The following STIMATE variants were observed in gnomAD, a reference collection of about 807,000 sequenced individuals.
The protein encoded by STIMATE is STIM activating enhancer, also known as store-operated calcium entry regulator STIMATE.
In STIMATE, 15 loss-of-function variants were observed where a neutral mutation model predicts 36.7. The observed-to-expected ratio is 0.41, with a 90% CI of 0.27 to 0.63. The LOEUF is 0.63. STIMATE is among the 20% of genes least tolerant of loss of function. STIMATE has a pLI of 0.32. For missense variants in STIMATE, 305 were observed against 397.3 expected (o/e 0.77, Z 1.98); for synonymous variants, 163 against 162.3 (o/e 1.00, Z -0.03).
intron 1 of STIMATE, among the ~76,000 whole-genome samples, chr3:52,882,079 AG>A (rs2106720585): frequency 6.6e-6 from 1 of 152,352 alleles, no homozygotes; most frequent in South Asian, 2.1e-4. Flanking sequence ...TCTGTCAGCC[AG>A]GGCTGCATCA....
chr3:52,840,500 G>C lies in STIMATE; in HGVS notation c.879C>G (p.Pro293=). ...CCCCCAGCATGGGAATGTGTCATAC[G>C]GGTAGCCCAAAGCGGTGCTTCTTTT... The part of the protein sequence containing the change: ...VKKKKHRFGL[P]V Residue 293 remains proline (P), a synonymous_variant, in exon 8 of 8, where the codon CCC becomes CCG. Transcript: ENST00000355083. 1.9e-6 allele frequency: 3 copies of C among 1,613,724 alleles called. No homozygotes were observed. The highest frequency in any genetic ancestry group is 2.5e-6 in the Non-Finnish European group (3 of 1,179,790).
chr3:52,864,023 C>A (rs146986877), intron 1 of STIMATE, among the ~76,000 whole-genome samples: 1 of 152,218 alleles, frequency 6.6e-6, no homozygotes, highest in Non-Finnish European at 1.5e-5. Context: ...AGGCTAACAG[C>A]GCAAGCTGTT....
At chr3:52,859,181 A>G (rs1336829414) in intron 1 of STIMATE, among the ~76,000 whole-genome samples, 1 of 149,018 alleles carries the variant, frequency 6.7e-6, no homozygotes, top group Non-Finnish European at 1.5e-5. Context: ...TAAAATAAAT[A>G]AAATAAAATA....
rs558254746 is a variant in STIMATE, at chr3:52,880,635, G to C, written c.160+16656C>G. ...AGCTCCTGGGGCTGCTGGTACCTTT[G>C]AAAGGGCTCATAGGAAAAGGGAGAT... On this transcript the variant is annotated intron_variant, in intron 1 of 7. Transcript: ENST00000355083. Among the ~76,000 whole-genome samples the C allele has an allele frequency of 1.3e-3, 205 of 152,196 alleles. 1 individual carries two copies. The highest frequency in any genetic ancestry group is 4.8e-3 in the African/African-American group (199 of 41,500).
chr3:52,845,363 T>C (rs1189248715), intron 4 of STIMATE, among the ~76,000 whole-genome samples: 1 of 152,178 alleles, frequency 6.6e-6, no homozygotes, highest in African/African-American at 2.4e-5. Context: ...AGTGGACTGA[T>C]GTTTGTGGAT....
chr3:52,881,987 A>G (rs969792213), intron 1 of STIMATE, among the ~76,000 whole-genome samples: 1 of 152,244 alleles, frequency 6.6e-6, no homozygotes, highest in Non-Finnish European at 1.5e-5. Context: ...AAATTACTAC[A>G]AAACTTAATG....
chr3:52,863,955 G>A (rs1701260493), intron 1 of STIMATE, among the ~76,000 whole-genome samples: 1 of 152,242 alleles, frequency 6.6e-6, no homozygotes, highest in Admixed American at 6.5e-5. Context: ...GCTTTGCAGG[G>A]TACAGCCTCC....
At chr3:52,896,797 T>G (rs1277630596) in intron 1 of STIMATE, among the ~76,000 whole-genome samples, 25 of 152,116 alleles carry the variant, frequency 1.6e-4, no homozygotes, top group Admixed American at 1.6e-3. Context: ...GGCATGGCCC[T>G]AACACTCCAG....
chr3:52,877,774 C>T (rs1363804784), intron 1 of STIMATE, among the ~76,000 whole-genome samples: 1 of 152,216 alleles, frequency 6.6e-6, no homozygotes, highest in Admixed American at 6.5e-5. Flanking sequence ...AGCACTGTAT[C>T]TCACTTAATT....
At chr3:52,858,741 G>A (rs957391186) in intron 1 of STIMATE, among the ~76,000 whole-genome samples, 2 of 152,234 alleles carry the variant, frequency 1.3e-5, no homozygotes, top group Non-Finnish European at 2.9e-5. Flanking sequence ...TATTGCAGGT[G>A]TGTCAGGATG....
rs1015481198 is a variant in STIMATE, at chr3:52,855,472, T to C, written c.161-28A>G. 1.2e-5 allele frequency: 19 copies of C among 1,613,910 alleles called. No homozygotes were observed. In the African/African-American group the frequency reaches 1.9e-4, roughly 16 times the overall value. ...GAAAGAAAAGACAGACATCAGTAGT[T>C]TTCCAAAGAAGTTACATAAAGCAAG... On this transcript the variant is annotated intron_variant, in intron 1 of 7. Coordinates refer to ENST00000355083, the MANE Select transcript of STIMATE (RefSeq NM_198563.5).
At chr3:52,842,667 C>G (rs1331118446) in intron 7 of STIMATE, 144 bp downstream of exon 7, 3 of 1,497,288 alleles carry the variant, frequency 2.0e-6, no homozygotes, top group African/African-American at 2.8e-5. Flanking sequence ...CCTCGCTCAT[C>G]TCTGGCTCAG....
chr3:52,882,989 T>G (rs1701634106), intron 1 of STIMATE, among the ~76,000 whole-genome samples: 1 of 152,218 alleles, frequency 6.6e-6, no homozygotes, highest in Non-Finnish European at 1.5e-5. Context: ...AAGTAGTTTT[T>G]AACTAAAGAA....
At chr3:52,883,712 A>G (rs1701646763) in intron 1 of STIMATE, among the ~76,000 whole-genome samples, 4 of 152,036 alleles carry the variant, frequency 2.6e-5, no homozygotes, top group African/African-American at 9.7e-5. Flanking sequence ...TCATAGTTTA[A>G]TTTTTGGTTT....
chr3:52,875,597 G>A (rs1482148301), intron 1 of STIMATE, among the ~76,000 whole-genome samples: 3 of 152,276 alleles, frequency 2.0e-5, no homozygotes, highest in South Asian at 2.1e-4. Context: ...GGTATGGAGA[G>A]GGGTACTTTT....
At chr3:52,895,301 G>A (rs529649018) in intron 1 of STIMATE, among the ~76,000 whole-genome samples, 48 of 152,328 alleles carry the variant, frequency 3.2e-4, no homozygotes, top group Admixed American at 1.0e-3. Context: ...AGCTCCCAGA[G>A]TACCATTGCC....
intron 1 of STIMATE, among the ~76,000 whole-genome samples, chr3:52,858,160 T>C (rs888345304): frequency 2.0e-5 from 3 of 152,192 alleles, no homozygotes; most frequent in Non-Finnish European, 4.4e-5. Flanking sequence ...CAGTCTGTGA[T>C]ATTTGGTTAT....
chr3:52,878,416 T>C (rs1701538457), intron 1 of STIMATE, among the ~76,000 whole-genome samples: 1 of 152,038 alleles, frequency 6.6e-6, no homozygotes, highest in Non-Finnish European at 1.5e-5. Flanking sequence ...CTGTATCACC[T>C]CTTTGCCTGG....
intron 1 of STIMATE, among the ~76,000 whole-genome samples, chr3:52,880,702 C>T (rs79378629): frequency 0.029 from 4,479 of 152,228 alleles, 222 homozygotes; most frequent in African/African-American, 0.1. Context: ...GAAACAAAGC[C>T]ACACAACTGA....
Sources: allele counts gnomAD v4.1 joint callset (sites outside exome capture counted in the v4.1 genomes callset), GRCh38; gene constraint gnomAD v4.1.1; transcripts MANE v1.5; gene names NCBI Gene and HGNC (gene_info 2026-07-23, HGNC 2026-07-21).